COL11A1: variants seen among roughly 807,000 people sequenced by gnomAD.
COL11A1 encodes the protein collagen type XI alpha 1 chain.
COL11A1 carries 74 observed loss-of-function variants against 265.2 expected under a neutral mutation model. That is an observed-to-expected ratio of 0.28 (90% CI 0.23 to 0.34). The LOEUF is 0.34. Among genes scored for constraint, COL11A1 ranks in the 10% least tolerant of loss-of-function variants. The pLI is 1.00. For synonymous variants in COL11A1, 816 were observed against 727.6 expected (o/e 1.12, Z -1.96); for missense variants, 2,165 against 2,263.6 (o/e 0.96, Z 0.88).
intron 1 of COL11A1, among the ~76,000 whole-genome samples, chr1:103,100,865 T>G (rs772758739): frequency 6.6e-6 from 1 of 151,912 alleles, no homozygotes; most frequent in African/African-American, 2.4e-5. Flanking sequence ...AGTTATCTCA[T>G]GGGTAAAATC....
intron 42 of COL11A1, among the ~76,000 whole-genome samples, chr1:102,944,348 G>C (rs66473612): frequency 0.034 from 5,203 of 152,110 alleles, 125 homozygotes; most frequent in Middle Eastern, 0.11. Context: ...CCCACTTTAT[G>C]TTACTGTCCC....
chr1:102,959,774 C>A (rs1261136169), intron 41 of COL11A1, among the ~76,000 whole-genome samples: 1 of 152,010 alleles, frequency 6.6e-6, no homozygotes, highest in Non-Finnish European at 1.5e-5. Context: ...AATTGTATCC[C>A]CTGGACATAG....
At chr1:102,905,195 A>G (rs376573629) in intron 54 of COL11A1, among the ~76,000 whole-genome samples, 1,603 of 130,980 alleles carry the variant, frequency 0.012, 29 homozygotes, top group East Asian at 0.1. Context: ...GACACAGGAA[A>G]GGGAACATCA....
At position 102,881,734 on chromosome 1, in the gene COL11A1, G is replaced by A. The variant is rs541676352; in HGVS notation, c.5003C>T (p.Pro1668Leu). The A allele has an allele frequency of 1.6e-4, 265 of 1,612,588 alleles. 1 individual carries two copies. In the South Asian group the frequency reaches 2.7e-3, roughly 16 times the overall value. ...CTTAAATTCACTAAACCAACTTCCT[G>A]GTTTCTCCTTTGGCCATGATGAAAT... is the stretch of plus-strand genomic sequence containing the variant. ...VRISSWPKEK[P>L]GSWFSEFKRG... The change falls in exon 65 of 67, where the codon CCA (proline) becomes CTA (leucine). Residue 1668 changes from proline to leucine, a missense_variant. Physicochemically the swap from Pro to Leu is moderately conservative, Grantham distance 98. Transcript: ENST00000370096.
intron 1 of COL11A1, among the ~76,000 whole-genome samples, chr1:103,105,457 A>C (rs1004864715): frequency 6.6e-6 from 1 of 152,108 alleles, no homozygotes; most frequent in African/African-American, 2.4e-5. Context: ...TGAAGTCATA[A>C]ATTTTCTTTA....
rs57013059 is a variant in COL11A1 at position 103,027,396 on chromosome 1, AATATATATATATATATATATAT to A, written c.781-1086_781-1065del. ...AGTAAACTCAACAAGTTAAAACTCT[AATATATATATATATATATATAT>A]ATATATATATATATATATATATATA... On this transcript the variant is annotated intron_variant, in intron 5 of 66. Transcript: ENST00000370096. Among the ~76,000 whole-genome samples the A allele has an allele frequency of 2.0e-3, 186 of 92,072 alleles. 1 individual carries two copies. Among genetic ancestry groups the A allele is most frequent in the Non-Finnish European group, 3.2e-3 (155 of 48,266 alleles). 60.4% of individuals were successfully genotyped at this position (92,072 alleles called of 152,430 possible). A position where few individuals can be genotyped will look rare whatever the true frequency, so the allele number is the denominator to read the frequency against.
At chr1:102,923,284 G>GCATATA in intron 47 of COL11A1, 52 bp downstream of exon 47, 1 of 1,398,996 alleles carries the variant, frequency 7.1e-7, no homozygotes, top group Non-Finnish European at 1.0e-6. Flanking sequence ...ACAAACCAGT[G>GCATATA]ACTGCCATGC....
At chr1:103,095,875 T>A (rs1673716921) in intron 1 of COL11A1, among the ~76,000 whole-genome samples, 2 of 152,044 alleles carry the variant, frequency 1.3e-5, no homozygotes. Context: ...AATCTTTCTA[T>A]GTACTCTATG....
Position 102,920,384 on chromosome 1 carries a change from A to ATG in COL11A1, c.3709-22_3709-21dup. ...TGGTCCCTGCAGTGTAGAAAAAGGA[A>ATG]TGTAATTATCCATATTCTTATTAAA... On this transcript the variant is annotated intron_variant, in intron 48 of 66. Coordinates refer to ENST00000370096, the MANE Select transcript of COL11A1 (RefSeq NM_001854.4). The ATG allele has an allele frequency of 6.2e-7, 1 of 1,605,546 alleles. No individual in the cohort carries two copies. Among genetic ancestry groups the ATG allele is most frequent in the Non-Finnish European group, 8.5e-7 (1 of 1,172,442 alleles).
Position 102,921,512 on chromosome 1 carries a change from T to C in COL11A1, c.3708+6A>G. 6.2e-7 allele frequency: 1 copy of C among 1,610,052 alleles called. No homozygotes were observed. On this transcript the variant is annotated splice_donor_region_variant and intron_variant, in intron 48 of 66. Transcript: ENST00000370096. ...AAATAATTAACATATATTTCAGAGT[T>C]CTTACATCAGCTCCATTGGGACCTT...
chr1:102,905,407 A>G (rs1653843060), intron 54 of COL11A1, among the ~76,000 whole-genome samples: 1 of 149,044 alleles, frequency 6.7e-6, no homozygotes, highest in Non-Finnish European at 1.5e-5. Context: ...AAAAGGAAAG[A>G]GAGAGAAAGG....
chr1:102,985,051 AGAATT>A (rs1210438941), intron 30 of COL11A1, among the ~76,000 whole-genome samples: 1 of 152,070 alleles, frequency 6.6e-6, no homozygotes, highest in Admixed American at 6.6e-5. Context: ...AGATAAAAAA[AGAATT>A]GAATAAAATA....
intron 18 of COL11A1, 58 bp downstream of exon 18, chr1:103,005,780 A>G (rs1016576681): frequency 1.9e-6 from 3 of 1,596,678 alleles, no homozygotes; most frequent in African/African-American, 1.3e-5. Flanking sequence ...GCAAATTGTT[A>G]TCAATTCTAA....
intron 49 of COL11A1, among the ~76,000 whole-genome samples, chr1:102,918,739 G>A (rs1038571060): frequency 1.3e-5 from 2 of 151,406 alleles, no homozygotes; most frequent in Non-Finnish European, 3.0e-5. Flanking sequence ...GATTCAGATT[G>A]ACTGAATTAT....
rs1412187189 is a variant in COL11A1 at position 102,888,712 on chromosome 1, A to G, written c.4554+11T>C. 6.2e-7 allele frequency: 1 copy of G among 1,613,816 alleles called. No individual in the cohort carries two copies. The highest frequency in any genetic ancestry group is 1.7e-5 in the Admixed American group (1 of 59,952). ...ATGCAAAATTAAATTGTCAAAGGGA[A>G]AAGTACTTACAGTAGAGCCTTTGTT... On this transcript the variant is annotated intron_variant, in intron 61 of 66. Transcript: ENST00000370096.
chr1:102,979,499 A>AT, intron 31 of COL11A1, 64 bp from the exon 32 acceptor site: 1 of 1,114,068 alleles, frequency 9.0e-7, no homozygotes, highest in Non-Finnish European at 1.4e-6. Flanking sequence ...ACAAGATGTA[A>AT]TTTATTTTGG....
Position 102,898,835 on chromosome 1 carries a change from A to G in COL11A1, c.4141-62T>C. ...GAGAAAATACTTTTATTATTTTATT[A>G]AATGCACTGAAAAAAGTAGATCAGT... On this transcript the variant is annotated intron_variant, in intron 55 of 66. Coordinates refer to ENST00000370096, the MANE Select transcript of COL11A1 (RefSeq NM_001854.4). The G allele has an allele frequency of 2.0e-6, 3 of 1,486,294 alleles. No individual in the cohort carries two copies. The South Asian group carries it at 3.5e-5, about 17-fold the overall frequency. 92.1% of individuals were successfully genotyped at this position (1,486,294 alleles called of 1,614,324 possible).
intron 4 of COL11A1, among the ~76,000 whole-genome samples, chr1:103,047,673 T>A (rs908774749): frequency 6.6e-5 from 10 of 152,232 alleles, no homozygotes; most frequent in African/African-American, 2.4e-4. Flanking sequence ...GGCATCCCTG[T>A]CTTGTTCCAG....
At chr1:103,028,910 T>C (rs1231785770) in intron 5 of COL11A1, among the ~76,000 whole-genome samples, 1 of 152,140 alleles carries the variant, frequency 6.6e-6, no homozygotes, top group Non-Finnish European at 1.5e-5. Flanking sequence ...GATAGGAAGA[T>C]AATTTCACTT....
Sources: allele counts gnomAD v4.1 joint callset (sites outside exome capture counted in the v4.1 genomes callset), GRCh38; gene constraint gnomAD v4.1.1; transcripts MANE v1.5; gene names NCBI Gene and HGNC (gene_info 2026-07-23, HGNC 2026-07-21).